ARHGAP40: variants seen among roughly 807,000 people sequenced by gnomAD.
ARHGAP40 encodes the protein rho GTPase-activating protein 40.
In ARHGAP40, 43 loss-of-function variants were observed where a neutral mutation model predicts 73.5. The ratio of observed to expected loss-of-function variants is 0.58; its 90% confidence interval spans 0.46 to 0.75. The LOEUF (loss-of-function observed/expected upper bound fraction) is 0.75. Ranked by LOEUF, ARHGAP40 falls within the 30% of genes least tolerant of loss-of-function variation. The pLI is 0.00. For synonymous variants in ARHGAP40, 300 were observed against 352.8 expected (o/e 0.85, Z 1.68); for missense variants, 734 against 861.8 (o/e 0.85, Z 1.86).
intron 6 of ARHGAP40, among the ~76,000 whole-genome samples, chr20:38,637,385 G>T (rs547561456): frequency 6.6e-6 from 1 of 152,108 alleles, no homozygotes. Flanking sequence ...CTGACCTCAG[G>T]TGATCCGCCT....
intron 1 of ARHGAP40, among the ~76,000 whole-genome samples, chr20:38,603,878 C>T (rs1329106931): frequency 6.6e-6 from 1 of 152,204 alleles, no homozygotes; most frequent in East Asian, 1.9e-4. Flanking sequence ...CTGACCTCCA[C>T]AGTCATCCCC....
chr20:38,637,888 T>C lies in ARHGAP40; in HGVS notation c.1041+89T>C, dbSNP rs1012901742. Reference sequence around the variant, plus strand: ...TGTCAGGAGACATCCAGCAAAGGGGTGAAAGGATGTGCTTTAGAATCAGGC... The same window carrying C: ...TGTCAGGAGACATCCAGCAAAGGGGCGAAAGGATGTGCTTTAGAATCAGGC... On this transcript the variant is annotated intron_variant, in intron 7 of 14. Coordinates refer to ENST00000373345, the Ensembl canonical transcript of ARHGAP40. The C allele has an allele frequency of 1.9e-5, 20 of 1,039,046 alleles. No homozygotes were observed. The Admixed American group carries it at 4.3e-4, about 22-fold the overall frequency. The allele number at this position is 1,039,046 out of a possible 1,614,324, so 64.4% of individuals were successfully genotyped here.
rs1020029876 is a variant in ARHGAP40, at chr20:38,634,557, C to A, written c.784-63C>A. 3.9e-6 allele frequency: 5 copies of A among 1,283,154 alleles called. No individual in the cohort carries two copies. In the African/African-American group the frequency reaches 7.7e-5, roughly 20 times the overall value. 79.5% of individuals were successfully genotyped at this position (1,283,154 alleles called of 1,614,324 possible). A position where few individuals can be genotyped will look rare whatever the true frequency, so the allele number is the denominator to read the frequency against. The stretch of plus-strand genomic sequence containing the variant: ...TAAATGCCCTGGGGAGAAGGGGGAG[C>A]CCCAAAATACACATCAGACTCATAG... On this transcript the variant is annotated intron_variant, in intron 5 of 14. Transcript: ENST00000373345.
chr20:38,632,393 C>A (rs2088945893), intron 5 of ARHGAP40, among the ~76,000 whole-genome samples: 1 of 152,002 alleles, frequency 6.6e-6, no homozygotes, highest in African/African-American at 2.4e-5. Context: ...CCCCGAGTAG[C>A]TGGGACTACA....
intron 1 of ARHGAP40, among the ~76,000 whole-genome samples, chr20:38,613,557 C>T (rs541838014): frequency 6.6e-6 from 1 of 152,148 alleles, no homozygotes; most frequent in East Asian, 1.9e-4. Context: ...AGATTCCAGC[C>T]CATGGGCAGG....
chr20:38,604,997 G>C (rs2088763011), intron 1 of ARHGAP40, among the ~76,000 whole-genome samples: 1 of 151,252 alleles, frequency 6.6e-6, no homozygotes, highest in Admixed American at 6.6e-5. Flanking sequence ...GTTTGCTCCA[G>C]GCTAATGTTC....
intron 1 of ARHGAP40, chr20:38,615,543 C>T: frequency 1.7e-6 from 1 of 583,500 alleles, no homozygotes. Context: ...GGAGGAGGTG[C>T]CGCAGCCACT....
chr20:38,639,278 G>A (rs1568610827), exon 9 of ARHGAP40: 2 of 1,305,482 alleles, frequency 1.5e-6, no homozygotes, highest in South Asian at 2.5e-5. Flanking sequence ...TTTTAGCTGG[G>A]ACGAGGTTCA....
intron 1 of ARHGAP40, among the ~76,000 whole-genome samples, chr20:38,612,126 T>C (rs2088808199): frequency 6.6e-6 from 1 of 152,220 alleles, no homozygotes; most frequent in Non-Finnish European, 1.5e-5. Flanking sequence ...TTTTCACATG[T>C]AATCAATATG....
intron 1 of ARHGAP40, chr20:38,615,454 A>G: frequency 1.4e-6 from 1 of 702,618 alleles, no homozygotes; most frequent in Non-Finnish European, 2.6e-6. Context: ...CTCAGCCAGG[A>G]ACTCGACCTC....
rs142538343 is a variant in ARHGAP40 at position 38,628,324 on chromosome 20, A to C, written c.559-603A>C. Among the ~76,000 whole-genome samples, 1,353 of 140,536 alleles carry C rather than the reference A, an allele frequency of 9.6e-3. 24 individuals carry two copies. The highest frequency in any genetic ancestry group is 0.033 in the African/African-American group (1,276 of 38,288). 92.2% of individuals were successfully genotyped at this position (140,536 alleles called of 152,430 possible). A position where few individuals can be genotyped will look rare whatever the true frequency, so the allele number is the denominator to read the frequency against. On this transcript the variant is annotated intron_variant, in intron 3 of 14. Transcript: ENST00000373345. ...GTACAAAATCCTTTTTTTTTTTTTG[A>C]GACTGAGCCTCGCTCTGTCGCCCAG...
rs1221145111 is a variant in ARHGAP40, at chr20:38,650,590, G to T, written c.*742G>T. 8.5e-6 allele frequency: 4 copies of T among 469,058 alleles called. No individual in the cohort carries two copies. In the East Asian group the frequency reaches 2.8e-4, roughly 33 times the overall value. 29.1% of individuals were successfully genotyped at this position (469,058 alleles called of 1,614,324 possible). A position where few individuals can be genotyped will look rare whatever the true frequency, so the allele number is the denominator to read the frequency against. On this transcript the variant is annotated 3_prime_UTR_variant, in exon 15 of 15. Transcript: ENST00000373345. The stretch of plus-strand genomic sequence containing the variant: ...TTGATTTGTACAATCTTGTCATTTT[G>T]TAATATGATATAATATGTAAACGTA...
chr20:38,612,599 G>A (rs2088810519), intron 1 of ARHGAP40, among the ~76,000 whole-genome samples: 1 of 152,124 alleles, frequency 6.6e-6, no homozygotes, highest in African/African-American at 2.4e-5. Flanking sequence ...AAACCCAAGA[G>A]GCAGAGGTTT....
Position 38,637,976 on chromosome 20 carries a change from C to CTGT in ARHGAP40, c.1041+192_1041+194dup, listed in dbSNP as rs1266092815. On this transcript the variant is annotated intron_variant, in intron 7 of 14. Transcript: ENST00000373345. ...CTCAGAGACCTGGGGTGGATTTTTG[C>CTGT]TGTTGTTGTTGTTGTTGATGTTGTT... Among the ~76,000 whole-genome samples the CTGT allele has an allele frequency of 1.7e-4, 26 of 151,686 alleles. No individual in the cohort carries two copies. The East Asian group carries it at 2.5e-3, about 15-fold the overall frequency.
intron 1 of ARHGAP40, among the ~76,000 whole-genome samples, chr20:38,606,335 T>C (rs768891538): frequency 6.6e-6 from 1 of 152,240 alleles, no homozygotes; most frequent in Non-Finnish European, 1.5e-5. Context: ...TATGATACAT[T>C]TTCAGAATAG....
chr20:38,614,350 C>T (rs1204539524), intron 1 of ARHGAP40, among the ~76,000 whole-genome samples: 2 of 152,126 alleles, frequency 1.3e-5, no homozygotes, highest in Non-Finnish European at 2.9e-5. Context: ...GATTGCCTTT[C>T]TTTCTTTCTT....
At chr20:38,645,863 G>A (rs1027614718) in intron 11 of ARHGAP40, among the ~76,000 whole-genome samples, 184 bp from the exon 12 acceptor site, 2 of 152,182 alleles carry the variant, frequency 1.3e-5, no homozygotes, top group Non-Finnish European at 2.9e-5. Flanking sequence ...GTCCACTTTA[G>A]GGGCTGAATG....
At chr20:38,617,975 T>C (rs1226621009) in intron 1 of ARHGAP40, among the ~76,000 whole-genome samples, 1 of 152,204 alleles carries the variant, frequency 6.6e-6, no homozygotes, top group Admixed American at 6.5e-5. Flanking sequence ...TCTGTTAGCT[T>C]CATATTAAAA....
In ARHGAP40 at chr20:38,639,209, T is replaced by C; in HGVS notation, c.1120-18T>C. On this transcript the variant is annotated intron_variant, in intron 8 of 14. Transcript: ENST00000373345. ...GAGCCCTGGGCCAACTGTGTTTTCA[T>C]GCCCCGCCTTCCTGTAGGGGCTGGA... is the stretch of plus-strand genomic sequence containing the variant. 1 of 1,304,548 alleles carries C rather than the reference T, an allele frequency of 7.7e-7. No homozygotes were observed. Among genetic ancestry groups the C allele is most frequent in the South Asian group, 1.2e-5 (1 of 81,030 alleles). 80.8% of individuals were successfully genotyped at this position (1,304,548 alleles called of 1,614,324 possible).
Sources: allele counts gnomAD v4.1 joint callset (sites outside exome capture counted in the v4.1 genomes callset), GRCh38; gene constraint gnomAD v4.1.1; transcripts MANE v1.5; gene names NCBI Gene and HGNC (gene_info 2026-07-23, HGNC 2026-07-21).